Variants in MAN1A1 observed in about 807,000 individuals in gnomAD.
MAN1A1 encodes mannosyl-oligosaccharide 1,2-alpha-mannosidase IA.
Under a neutral mutation model 70.8 loss-of-function variants are expected in MAN1A1, and 29 were observed. The ratio of observed to expected loss-of-function variants is 0.41; its 90% CI spans 0.31 to 0.56. The LOEUF is 0.56. MAN1A1 is among the 20% of genes least tolerant of loss of function. MAN1A1 has a pLI of 0.29. For missense variants in MAN1A1, 747 were observed against 841.3 expected, an observed-to-expected ratio of 0.89 and a Z score of 1.39; for synonymous variants, 349 against 330.1, an observed-to-expected ratio of 1.06 and a Z score of -0.62.
chr6:119,306,745 A>T (rs1582789323), intron 3 of MAN1A1, 151 bp downstream of exon 3: 1 of 644,830 alleles, frequency 1.6e-6, no homozygotes. Context: ...AGGACACACT[A>T]TGCACAATCC....
At chr6:119,230,527 C>A (rs551765337) in intron 6 of MAN1A1, among the ~76,000 whole-genome samples, 8 of 151,954 alleles carry the variant, frequency 5.3e-5, no homozygotes, top group Non-Finnish European at 1.0e-4. Flanking sequence ...ACCATCCACT[C>A]TCTTCTCTTC....
chr6:119,195,047 G>A (rs753743872), intron 8 of MAN1A1, among the ~76,000 whole-genome samples: 4 of 152,006 alleles, frequency 2.6e-5, no homozygotes, highest in Non-Finnish European at 5.9e-5. Context: ...TGGCCAGGCT[G>A]GTTTTGAACT....
intron 4 of MAN1A1, among the ~76,000 whole-genome samples, chr6:119,292,412 A>C (rs1310367665): frequency 1.3e-5 from 2 of 151,994 alleles, no homozygotes; most frequent in Non-Finnish European, 2.9e-5. Flanking sequence ...TTCCTTTAAC[A>C]AGCATTTATT....
upstream of MAN1A1, chr6:119,349,848 G>T: frequency 4.1e-6 from 3 of 737,846 alleles, no homozygotes; most frequent in Non-Finnish European, 5.0e-6. Context: ...ATCACGCGCC[G>T]CCCAGGGTCC....
chr6:119,297,292 C>T (rs1336792753), intron 4 of MAN1A1, among the ~76,000 whole-genome samples: 2 of 152,162 alleles, frequency 1.3e-5, no homozygotes, highest in Admixed American at 1.3e-4. Context: ...TACAGCTACC[C>T]TTGCACCTGA....
intron 2 of MAN1A1, among the ~76,000 whole-genome samples, chr6:119,308,772 C>T (rs1380121458): frequency 1.3e-5 from 2 of 152,086 alleles, no homozygotes; most frequent in Non-Finnish European, 2.9e-5. Context: ...AAATGTACTA[C>T]ATTTAGTAAA....
At chr6:119,201,429 T>TG (rs1773710695) in intron 7 of MAN1A1, 82 bp from the exon 8 acceptor site, 2 of 864,160 alleles carry the variant, frequency 2.3e-6, no homozygotes, top group East Asian at 5.0e-5. Flanking sequence ...ACATACAAGT[T>TG]GACTTAAATG....
intron 6 of MAN1A1, among the ~76,000 whole-genome samples, chr6:119,238,693 T>G (rs1057514271): frequency 6.6e-6 from 1 of 152,206 alleles, no homozygotes; most frequent in African/African-American, 2.4e-5. Flanking sequence ...TACATTAAAC[T>G]CTCAGTAGCA....
intron 6 of MAN1A1, among the ~76,000 whole-genome samples, chr6:119,234,323 T>G (rs1774776602): frequency 6.6e-6 from 1 of 152,250 alleles, no homozygotes; most frequent in Admixed American, 6.5e-5. Flanking sequence ...TTTAAAATCT[T>G]CCAGAGGAAA....
chr6:119,326,888 CAT>C (rs1384254654), intron 2 of MAN1A1, among the ~76,000 whole-genome samples: 6 of 152,176 alleles, frequency 3.9e-5, no homozygotes, highest in East Asian at 3.8e-4. Flanking sequence ...ATCAAGACCA[CAT>C]GATTTACCAC....
At chr6:119,208,386 A>G (rs1398751651) in intron 6 of MAN1A1, among the ~76,000 whole-genome samples, 1 of 152,272 alleles carries the variant, frequency 6.6e-6, no homozygotes, top group Non-Finnish European at 1.5e-5. Context: ...CACAACTAAA[A>G]TAATAGATTT....
intron 2 of MAN1A1, among the ~76,000 whole-genome samples, chr6:119,315,394 G>A (rs1772821090): frequency 6.6e-6 from 1 of 152,176 alleles, no homozygotes; most frequent in Non-Finnish European, 1.5e-5. Flanking sequence ...TAAAAAATGA[G>A]AATTCTAGTA....
At chr6:119,217,072 A>C (rs1330732094) in intron 6 of MAN1A1, among the ~76,000 whole-genome samples, 1 of 152,216 alleles carries the variant, frequency 6.6e-6, no homozygotes, top group Non-Finnish European at 1.5e-5. Context: ...AAATTTAATA[A>C]ACATTACCCA....
chr6:119,266,333 T>C lies in MAN1A1; in HGVS notation c.898-17979A>G, dbSNP rs530383628. 3.9e-5 allele frequency among the ~76,000 whole-genome samples: 6 copies of C among 152,274 alleles called. No homozygotes were observed. The South Asian group carries it at 6.2e-4, about 16-fold the overall frequency. ...CACTACCCAACTTCAAGACTTTCTATAGAGATACAGAAATGAAGATAATCT... is the reference window on the plus strand; with the variant it reads ...CACTACCCAACTTCAAGACTTTCTACAGAGATACAGAAATGAAGATAATCT... On this transcript the variant is annotated intron_variant, in intron 5 of 12. Transcript: ENST00000368468.
intron 2 of MAN1A1, among the ~76,000 whole-genome samples, chr6:119,342,451 C>T (rs558320710): frequency 6.6e-6 from 1 of 152,178 alleles, no homozygotes; most frequent in Admixed American, 6.5e-5. Flanking sequence ...GCTTTACTAT[C>T]ACATTTAAGC....
At position 119,212,203 on chromosome 6, in the gene MAN1A1, C is replaced by T. The variant is rs373947037; in HGVS notation, c.993-7321G>A. Reference sequence around the variant, plus strand: ...AAATAAAAACATTGGTAACCTAAGGCCAATCTCTCAATAATTAGGAAAATT... The same window carrying T: ...AAATAAAAACATTGGTAACCTAAGGTCAATCTCTCAATAATTAGGAAAATT... On this transcript the variant is annotated intron_variant, in intron 6 of 12. Transcript: ENST00000368468. 5.9e-5 allele frequency among the ~76,000 whole-genome samples: 9 copies of T among 151,500 alleles called. No homozygotes were observed. The East Asian group carries it at 1.7e-3, about 29-fold the overall frequency.
chr6:119,235,631 C>T (rs1424322266), intron 6 of MAN1A1, among the ~76,000 whole-genome samples: 4 of 152,246 alleles, frequency 2.6e-5, no homozygotes, highest in South Asian at 4.2e-4. Flanking sequence ...CTAAGACTAC[C>T]GCACTAAAAT....
chr6:119,193,265 A>G (rs1773487666), intron 9 of MAN1A1, among the ~76,000 whole-genome samples: 1 of 152,166 alleles, frequency 6.6e-6, no homozygotes, highest in South Asian at 2.1e-4. Context: ...GTTGCCTCTT[A>G]CTTCTCCACT....
chr6:119,180,434 T>TAA lies in MAN1A1; in HGVS notation c.1720-8_1720-7insTT. 1.4e-6 allele frequency: 2 copies of TAA among 1,472,776 alleles called. No homozygotes were observed. The highest frequency in any genetic ancestry group is 1.9e-6 in the Non-Finnish European group (2 of 1,066,282). 91.2% of individuals were successfully genotyped at this position (1,472,776 alleles called of 1,614,324 possible). On this transcript the variant is annotated splice_polypyrimidine_tract_variant and splice_region_variant and intron_variant, in intron 11 of 12. Transcript: ENST00000368468. The stretch of plus-strand genomic sequence containing the variant: ...TGCAATGGTTTTCCAAGGCCTAAAT[T>TAA]ATAGAGGAGGAAAAAAAAAAGTCAC...
Sources: allele counts gnomAD v4.1 joint callset (sites outside exome capture counted in the v4.1 genomes callset), GRCh38; gene constraint gnomAD v4.1.1; transcripts MANE v1.5; gene names NCBI Gene and HGNC (gene_info 2026-07-23, HGNC 2026-07-21).